Variants in MED12L observed in about 807,000 individuals in gnomAD.
MED12L encodes mediator of RNA polymerase II transcription subunit 12-like protein.
In MED12L, 60 loss-of-function variants were observed where a neutral mutation model predicts 281.3. That is an observed-to-expected ratio of 0.21 (90% CI 0.17 to 0.26). The LOEUF (loss-of-function observed/expected upper bound fraction) is 0.26. Ranked by LOEUF, MED12L falls within the 10% of genes least tolerant of loss-of-function variation. The pLI is 1.00. For missense variants in MED12L, 2,146 were observed against 2,680.9 expected (o/e 0.80, Z 4.41); for synonymous variants, 974 against 987.2 (o/e 0.99, Z 0.25).
chr3:151,417,685 G>T (rs1717779773), intron 43 of MED12L, among the ~76,000 whole-genome samples: 1 of 151,964 alleles, frequency 6.6e-6, no homozygotes, highest in Non-Finnish European at 1.5e-5. Context: ...CCAGACTGTG[G>T]TCTTGACCTC....
intron 16 of MED12L, among the ~76,000 whole-genome samples, chr3:151,292,976 A>G (rs1744469475): frequency 6.6e-6 from 1 of 152,210 alleles, no homozygotes; most frequent in Non-Finnish European, 1.5e-5. Context: ...ACTGAGGTAT[A>G]TATAAATTCA....
chr3:151,326,728 G>A (rs1295107867), intron 16 of MED12L: 5 of 152,348 alleles, frequency 3.3e-5, no homozygotes, highest in African/African-American at 9.6e-5. Flanking sequence ...TGAGGCCATG[G>A]AAGAAAACGT....
At chr3:151,369,355 G>A in intron 25 of MED12L, 81 bp from the exon 26 acceptor site, 3 of 958,994 alleles carry the variant, frequency 3.1e-6, no homozygotes, top group Non-Finnish European at 4.7e-6. Context: ...GTCTAACAAT[G>A]AAAGGCTGAC....
intron 27 of MED12L, 102 bp downstream of exon 27, chr3:151,372,868 TC>T: frequency 1.3e-6 from 1 of 792,556 alleles, no homozygotes; most frequent in Non-Finnish European, 2.0e-6. Context: ...GGCCTTTTTT[TC>T]TTGCTCACTT....
rs147040865 is a variant in MED12L at position 151,312,853 on chromosome 3, C to G, written c.2251-37206C>G. The stretch of plus-strand genomic sequence containing the variant: ...TGCCGCCTTCTTCTGTAAAACAGCC[C>G]TCATAAGATTGTTTTGAATGAAGTA... On this transcript the variant is annotated intron_variant, in intron 16 of 44. Coordinates refer to ENST00000687756, the MANE Select transcript of MED12L (RefSeq NM_001393769.1). Among the ~76,000 whole-genome samples, 3 of 152,272 alleles carry G rather than the reference C, an allele frequency of 2.0e-5. No homozygotes were observed. In the East Asian group the frequency reaches 5.8e-4, roughly 29 times the overall value.
At chr3:151,275,174 C>T (rs1013409931) in intron 16 of MED12L, among the ~76,000 whole-genome samples, 2 of 152,044 alleles carry the variant, frequency 1.3e-5, no homozygotes, top group East Asian at 1.9e-4. Context: ...AAAATAATTG[C>T]GTGTGTATGA....
At chr3:151,323,805 C>A (rs1276540606) in intron 16 of MED12L, among the ~76,000 whole-genome samples, 2 of 152,328 alleles carry the variant, frequency 1.3e-5, no homozygotes, top group African/African-American at 2.4e-5. Flanking sequence ...GAATGACTGG[C>A]TAAATGAACA....
chr3:151,282,582 T>C (rs1742966234), intron 16 of MED12L, among the ~76,000 whole-genome samples: 1 of 152,214 alleles, frequency 6.6e-6, no homozygotes, highest in Non-Finnish European at 1.5e-5. Context: ...AATTGTCCTC[T>C]ATAGGATCTC....
chr3:151,153,403 A>G (rs1028938333), intron 5 of MED12L, among the ~76,000 whole-genome samples: 2 of 152,144 alleles, frequency 1.3e-5, no homozygotes, highest in Admixed American at 6.5e-5. Context: ...TTTAACATCA[A>G]CAACTACACA....
At chr3:151,108,065 CAG>C (rs1320706647) in intron 2 of MED12L, among the ~76,000 whole-genome samples, 3 of 152,070 alleles carry the variant, frequency 2.0e-5, no homozygotes, top group South Asian at 2.1e-4. Context: ...TTTCGCTTCT[CAG>C]GGGAAAAAGA....
rs1719278682 is a variant in MED12L at position 151,156,341 on chromosome 3, G to A, written c.726+11G>A. ...TTTCACATGTTCCAGGTAACCTTTT[G>A]AAGACATGCAGAGTTGTGTGCAATG... On this transcript the variant is annotated intron_variant, in intron 6 of 44. Transcript: ENST00000687756. 1 of 1,598,090 alleles carries A rather than the reference G, an allele frequency of 6.3e-7. No individual in the cohort carries two copies. Among genetic ancestry groups the A allele is most frequent in the South Asian group, 1.1e-5 (1 of 88,180 alleles).
chr3:151,114,271 T>C (rs984384012), intron 2 of MED12L, among the ~76,000 whole-genome samples: 2 of 152,194 alleles, frequency 1.3e-5, no homozygotes, highest in African/African-American at 4.8e-5. Flanking sequence ...CAGTGACCTA[T>C]GCTTGGAGGA....
At chr3:151,328,286 A>G in intron 16 of MED12L, 3 of 1,614,020 alleles carry the variant, frequency 1.9e-6, no homozygotes, top group Non-Finnish European at 2.5e-6. Context: ...GACAACAAAT[A>G]CTTTGCCTTC....
At chr3:151,365,503 A>G (rs2107916986) in intron 22 of MED12L, among the ~76,000 whole-genome samples, 1 of 152,332 alleles carries the variant, frequency 6.6e-6, no homozygotes, top group South Asian at 2.1e-4. Context: ...TGTATTTTGA[A>G]AAAAACCGTA....
At chr3:151,371,777 T>G (rs1159999147) in intron 26 of MED12L, among the ~76,000 whole-genome samples, 1 of 152,218 alleles carries the variant, frequency 6.6e-6, no homozygotes, top group Non-Finnish European at 1.5e-5. Flanking sequence ...ATCCTTATTT[T>G]GAATTTTTAT....
At chr3:151,163,717 T>C (rs1334352220) in intron 8 of MED12L, among the ~76,000 whole-genome samples, 176 bp from the exon 9 acceptor site, 3 of 152,196 alleles carry the variant, frequency 2.0e-5, no homozygotes, top group Admixed American at 2.0e-4. Context: ...ACTTAATAAT[T>C]TTTAGTTTTG....
chr3:151,337,079 G>C (rs1751100225), intron 16 of MED12L: 1 of 151,802 alleles, frequency 6.6e-6, no homozygotes, highest in Non-Finnish European at 1.5e-5. Context: ...TAAAAAATTA[G>C]TAAAACTAGT....
At chr3:151,102,673 A>G (rs115297608) in intron 2 of MED12L, among the ~76,000 whole-genome samples, 2,805 of 152,210 alleles carry the variant, frequency 0.018, 92 homozygotes, top group African/African-American at 0.065. Context: ...AGGTCTCACT[A>G]TGTTGCCCAG....
chr3:151,263,452 G>A (rs1374873798), intron 16 of MED12L, among the ~76,000 whole-genome samples: 1 of 152,170 alleles, frequency 6.6e-6, no homozygotes, highest in Non-Finnish European at 1.5e-5. Context: ...AAGTCACTGA[G>A]CCTTTAAATA....
Sources: gnomAD v4.1 joint callset for allele counts (sites outside exome capture counted in the v4.1 genomes callset) on GRCh38, gnomAD v4.1.1 for gene constraint, MANE v1.5 for transcripts, NCBI Gene and HGNC (gene_info 2026-07-23, HGNC 2026-07-21) for gene names.